STIM2: variants seen among roughly 807,000 people sequenced by gnomAD.
STIM2 encodes the protein stromal interaction molecule 2.
Under a neutral mutation model 85.8 loss-of-function variants are expected in STIM2, and 31 were observed. The ratio of observed to expected loss-of-function variants is 0.36; its 90% CI spans 0.27 to 0.49. The LOEUF (loss-of-function observed/expected upper bound fraction) is 0.49. STIM2 is among the 20% of genes least tolerant of loss of function. The pLI, the probability that STIM2 is intolerant of heterozygous loss-of-function variation, is 0.98. For synonymous variants in STIM2, 356 were observed against 331.1 expected (o/e 1.08, Z -0.82); for missense variants, 841 against 927.6 (o/e 0.91, Z 1.21).
chr4:26,962,550 C>T (rs1726513623), intron 3 of STIM2, among the ~76,000 whole-genome samples: 1 of 146,268 alleles, frequency 6.8e-6, no homozygotes, highest in Non-Finnish European at 1.5e-5. Flanking sequence ...TCAGCAATGA[C>T]TTTAATGCAG....
At chr4:26,995,552 T>TC in intron 4 of STIM2, 62 bp downstream of exon 4, 2 of 1,028,620 alleles carry the variant, frequency 1.9e-6, no homozygotes. Context: ...AGATGTCATT[T>TC]CCCCATACTG....
chr4:26,984,209 T>C (rs912679928), intron 3 of STIM2, among the ~76,000 whole-genome samples: 22 of 152,232 alleles, frequency 1.4e-4, no homozygotes, highest in Non-Finnish European at 3.2e-4. Flanking sequence ...TAAATACTAA[T>C]TGAGTTCCAA....
intron 3 of STIM2, among the ~76,000 whole-genome samples, chr4:26,961,150 T>C (rs919143124): frequency 1.3e-5 from 2 of 152,026 alleles, no homozygotes; most frequent in Admixed American, 6.6e-5. Flanking sequence ...GGGGTTCTAG[T>C]AGAGTTGAGG....
Position 27,009,022 on chromosome 4 carries a change from A to G in STIM2, c.1489+20A>G. 1 of 1,600,536 alleles carries G rather than the reference A, an allele frequency of 6.2e-7. No individual in the cohort carries two copies. ...TTCCCGGTAAGTGGCAATTTCAACA[A>G]AAATTGTTGGTACAGGTTTTAAAGT... is the stretch of plus-strand genomic sequence containing the variant. On this transcript the variant is annotated intron_variant, in intron 10 of 11. Transcript: ENST00000467087.
intron 1 of STIM2, among the ~76,000 whole-genome samples, chr4:26,905,066 A>G (rs1295745816): frequency 1.3e-5 from 2 of 152,154 alleles, no homozygotes; most frequent in African/African-American, 4.8e-5. Context: ...AGTGAAGTAT[A>G]GGAAGCAAAG....
At chr4:26,956,765 A>G (rs1424687570) in intron 2 of STIM2, among the ~76,000 whole-genome samples, 11 of 152,154 alleles carry the variant, frequency 7.2e-5, no homozygotes, top group East Asian at 1.9e-4. Flanking sequence ...GTCACCAAGT[A>G]TTTGGTAAAA....
chr4:26,980,758 GAAA>G (rs1481288830), intron 3 of STIM2, among the ~76,000 whole-genome samples: 1 of 152,114 alleles, frequency 6.6e-6, no homozygotes. Context: ...ACAGAGTCAA[GAAA>G]GGAATCAGTT....
chr4:26,984,454 A>C (rs1727509333), intron 3 of STIM2, among the ~76,000 whole-genome samples: 1 of 152,170 alleles, frequency 6.6e-6, no homozygotes, highest in South Asian at 2.1e-4. Context: ...TCCGTGTCCC[A>C]GGCTCAAGTG....
chr4:27,016,509 T>A (rs1297850154), intron 10 of STIM2, among the ~76,000 whole-genome samples: 1 of 152,242 alleles, frequency 6.6e-6, no homozygotes, highest in African/African-American at 2.4e-5. Flanking sequence ...CTCTTTGGAA[T>A]ACAGTTTCAT....
chr4:26,957,376 T>C (rs190853993), intron 2 of STIM2, among the ~76,000 whole-genome samples: 1 of 152,270 alleles, frequency 6.6e-6, no homozygotes, highest in Non-Finnish European at 1.5e-5. Context: ...ATAATAAACA[T>C]TGACTAAGTA....
chr4:26,999,972 T>G (rs1728091300), intron 5 of STIM2, among the ~76,000 whole-genome samples: 1 of 152,164 alleles, frequency 6.6e-6, no homozygotes, highest in Non-Finnish European at 1.5e-5. Flanking sequence ...AAATTTAATA[T>G]GTTTGTTTTA....
intron 10 of STIM2, among the ~76,000 whole-genome samples, chr4:27,009,441 G>A (rs920833840): frequency 6.6e-6 from 1 of 152,120 alleles, no homozygotes. Flanking sequence ...TGAGCATTCA[G>A]GGAAAATATC....
intron 3 of STIM2, among the ~76,000 whole-genome samples, chr4:26,961,480 A>G (rs77703723): frequency 0.022 from 3,340 of 152,270 alleles, 107 homozygotes; most frequent in African/African-American, 0.071. Context: ...GACTGTATCT[A>G]TTAGGTGGTA....
At chr4:26,958,036 A>T (rs1195900589) in intron 3 of STIM2, among the ~76,000 whole-genome samples, 2 of 152,092 alleles carry the variant, frequency 1.3e-5, no homozygotes. Context: ...AAGGTTTAGC[A>T]AATAAACATA....
At chr4:26,913,222 A>G (rs1439011643) in intron 1 of STIM2, among the ~76,000 whole-genome samples, 2 of 152,176 alleles carry the variant, frequency 1.3e-5, no homozygotes, top group Admixed American at 1.3e-4. Flanking sequence ...AGTATGTATT[A>G]GATTTGGTAA....
rs2109418474 is a variant in STIM2, at chr4:26,861,465, C to T, written c.151+96C>T. On this transcript the variant is annotated intron_variant, in intron 1 of 11. Coordinates refer to ENST00000467087, the MANE Select transcript of STIM2 (RefSeq NM_020860.4). ...GCATCTCCGCCGGACGTCCGCTATT[C>T]CGCGGCTCCGGCCAGGGCGCGATGC... 5.7e-6 allele frequency: 7 copies of T among 1,234,468 alleles called. No individual in the cohort carries two copies. In the South Asian group the frequency reaches 2.3e-4, roughly 41 times the overall value. 76.5% of individuals were successfully genotyped at this position (1,234,468 alleles called of 1,614,324 possible).
At chr4:26,955,898 A>G (rs990997151) in intron 2 of STIM2, among the ~76,000 whole-genome samples, 3 of 152,044 alleles carry the variant, frequency 2.0e-5, no homozygotes, top group South Asian at 4.1e-4. Flanking sequence ...TTGTTTCTTT[A>G]TTTTGCTCCC....
chr4:26,927,597 G>A lies in STIM2; in HGVS notation c.282+7963G>A, dbSNP rs1393051164. The stretch of plus-strand genomic sequence containing the variant: ...CTAATGCTAGATGACACATTAGTGG[G>A]TGCAGCGCACCAGCATGGCACATGT... On this transcript the variant is annotated intron_variant, in intron 2 of 11. Coordinates refer to ENST00000467087, the MANE Select transcript of STIM2 (RefSeq NM_020860.4). Among the ~76,000 whole-genome samples the A allele has an allele frequency of 3.0e-4, 22 of 73,212 alleles. 1 individual carries two copies. The East Asian group carries it at 7.6e-3, about 25-fold the overall frequency. The allele number at this position is 73,212 out of a possible 152,430, so 48.0% of individuals were successfully genotyped here. A position where few individuals can be genotyped will look rare whatever the true frequency, so the allele number is the denominator to read the frequency against.
intron 4 of STIM2, among the ~76,000 whole-genome samples, chr4:26,998,978 C>A (rs1236574504): frequency 6.6e-6 from 1 of 151,342 alleles, no homozygotes; most frequent in African/African-American, 2.4e-5. Flanking sequence ...CAGAAAGTAA[C>A]CTTAGAAAAC....
Sources: allele counts gnomAD v4.1 joint callset (sites outside exome capture counted in the v4.1 genomes callset), GRCh38; gene constraint gnomAD v4.1.1; transcripts MANE v1.5; gene names NCBI Gene and HGNC (gene_info 2026-07-23, HGNC 2026-07-21).